Variants in ZNF469 observed in about 807,000 individuals in gnomAD.
ZNF469 encodes the protein zinc finger protein 469.
A neutral mutation model predicts 1.0 loss-of-function variants in ZNF469; 1 was observed. That is an observed-to-expected ratio of 1.00 (90% CI 0.35 to 4.73). The LOEUF (loss-of-function observed/expected upper bound fraction) is 4.73, where lower values mean the gene tolerates loss of function less well. Among genes scored for constraint, ZNF469 ranks in the 30% most tolerant of loss-of-function variants. The pLI is 0.16. For synonymous variants in ZNF469, 2,703 were observed against 2,363.4 expected (o/e 1.14, Z -4.17); for missense variants, 6,100 against 5,356.3 (o/e 1.14, Z -4.33).
the ZNF469 span, among the ~76,000 whole-genome samples, chr16:88,156,927 C>T: frequency 1.5e-4 from 23 of 152,114 alleles, no homozygotes; most frequent in African/African-American, 3.4e-4. Flanking sequence ...CAGAGATGGA[C>T]GATGATCTCA....
chr16:88,192,653 C>T, the ZNF469 span, among the ~76,000 whole-genome samples: 4 of 152,170 alleles, frequency 2.6e-5, no homozygotes, highest in South Asian at 2.1e-4. Context: ...ATGATGATGG[C>T]AGTGATGGTG....
At chr16:88,135,318 T>C in the ZNF469 span, among the ~76,000 whole-genome samples, 2 of 152,278 alleles carry the variant, frequency 1.3e-5, no homozygotes, top group African/African-American at 4.8e-5. Context: ...TTTGTTCTAC[T>C]GCTCAATGTT....
rs1906134276 is a variant in ZNF469 at position 88,430,996 on chromosome 16, C to G, written c.3526C>G (p.Arg1176Gly). 4 of 1,541,884 alleles carry G rather than the reference C, an allele frequency of 2.6e-6. No homozygotes were observed. Among genetic ancestry groups the G allele is most frequent in the South Asian group, 1.2e-5 (1 of 83,994 alleles). ...GRSPQARGPS[R>G]SLETGAAARE... ...GAGCCCTCAGGCCCGTGGCCCGTCT[C>G]GAAGCCTGGAGACGGGAGCGGCCGC... is the stretch of plus-strand genomic sequence containing the variant. Residue 1176 changes from arginine (R) to glycine (G), a missense_variant, in exon 3 of 3, where the codon CGA becomes GGA. By Grantham distance (125) the Arg-to-Gly change is moderately radical. Coordinates refer to ENST00000565624, the MANE Select transcript of ZNF469 (RefSeq NM_001367624.2).
intron 1 of ZNF469, among the ~76,000 whole-genome samples, chr16:88,387,091 C>T (rs1904350545): frequency 6.6e-6 from 1 of 151,992 alleles, no homozygotes; most frequent in Non-Finnish European, 1.5e-5. Flanking sequence ...TCCCCAACCT[C>T]CAAGACTGTG....
chr16:88,363,378 C>A, the ZNF469 span, among the ~76,000 whole-genome samples: 1 of 152,198 alleles, frequency 6.6e-6, no homozygotes, highest in African/African-American at 2.4e-5. Flanking sequence ...TGCCTCCAGA[C>A]AGCAAGCATT....
intron 1 of ZNF469, among the ~76,000 whole-genome samples, chr16:88,417,479 G>A (rs766400577): frequency 6.6e-6 from 1 of 152,168 alleles, no homozygotes; most frequent in African/African-American, 2.4e-5. Context: ...TGGGATACCC[G>A]CCTGGCTGTA....
the ZNF469 span, among the ~76,000 whole-genome samples, chr16:88,256,892 TTCC>T: frequency 0.021 from 955 of 46,572 alleles, 28 homozygotes; most frequent in African/African-American, 0.04. Flanking sequence ...TTTCTTTTCT[TTCC>T]TTCTTTCTTT....
At chr16:88,256,908 T>TCTCTCTCTCTCTCTCTCTC in the ZNF469 span, among the ~76,000 whole-genome samples, 8 of 25,724 alleles carry the variant, frequency 3.1e-4, no homozygotes, top group African/African-American at 1.3e-3. Context: ...CTTTCTTTCT[T>TCTCTCTCTCTCTCTCTCTC]TCTTTCTTTC....
chr16:88,306,874 T>G, the ZNF469 span, among the ~76,000 whole-genome samples: 1 of 152,238 alleles, frequency 6.6e-6, no homozygotes, highest in Admixed American at 6.5e-5. Flanking sequence ...ACCATAAAAG[T>G]CATTCTTTTA....
the ZNF469 span, among the ~76,000 whole-genome samples, chr16:88,233,343 C>T: frequency 2.1e-4 from 32 of 152,350 alleles, no homozygotes; most frequent in Admixed American, 1.6e-3. Context: ...CCACCATGGC[C>T]AGTGGTTTGT....
chr16:88,261,949 A>G, the ZNF469 span, among the ~76,000 whole-genome samples: 1 of 152,166 alleles, frequency 6.6e-6, no homozygotes, highest in Non-Finnish European at 1.5e-5. This position sits in a 1 kb window ranked among gnomAD's most constrained non-coding sequence, Gnocchi z 6.0. Flanking sequence ...ACCACAGAAC[A>G]GGGGCCATGG....
At chr16:88,215,382 A>C in the ZNF469 span, among the ~76,000 whole-genome samples, 1 of 23,280 alleles carries the variant, frequency 4.3e-5, no homozygotes, top group African/African-American at 1.1e-4. Flanking sequence ...CTTGCCTTTT[A>C]ATTTTTTTTT....
the ZNF469 span, among the ~76,000 whole-genome samples, chr16:88,258,579 C>T: frequency 1.3e-4 from 20 of 152,142 alleles, no homozygotes; most frequent in Admixed American, 4.6e-4. Flanking sequence ...GAACCTTCTT[C>T]GTGGTGACTC....
Position 88,432,025 on chromosome 16 carries a change from T to G in ZNF469, c.4555T>G (p.Ser1519Ala), listed in dbSNP as rs534912168. ...GCTGCCTAGCCATTTTCCTGATCTC[T>G]CGGGGGGAAAGGTGCTCAGTAAGAC... ...PMLPSHFPDL[S>A]GGKVLSKTCP... The change falls in exon 3 of 3, where the codon TCG (serine) becomes GCG (alanine). Residue 1519 changes from serine to alanine, a missense_variant. Ser to Ala is a moderately conservative substitution (Grantham distance 99, BLOSUM62 1). Coordinates refer to ENST00000565624, the MANE Select transcript of ZNF469 (RefSeq NM_001367624.2). 4.5e-6 allele frequency: 7 copies of G among 1,550,278 alleles called. No individual in the cohort carries two copies. Among genetic ancestry groups the G allele is most frequent in the Non-Finnish European group, 6.1e-6 (7 of 1,146,960 alleles).
chr16:88,196,390 G>A, the ZNF469 span, among the ~76,000 whole-genome samples: 8 of 152,234 alleles, frequency 5.3e-5, no homozygotes, highest in East Asian at 1.9e-4. Flanking sequence ...CAAAGCCATC[G>A]GGGGGAAATT....
At chr16:88,314,400 A>T in the ZNF469 span, among the ~76,000 whole-genome samples, 1 of 139,336 alleles carries the variant, frequency 7.2e-6, no homozygotes. Context: ...CTCTGTGATT[A>T]TGATGATGCT....
chr16:88,185,682 CACAG>C, the ZNF469 span, among the ~76,000 whole-genome samples: 2 of 151,218 alleles, frequency 1.3e-5, no homozygotes, highest in Admixed American at 6.6e-5. Context: ...TGCCCAGACC[CACAG>C]ACACATTCGC....
the ZNF469 span, among the ~76,000 whole-genome samples, chr16:88,297,306 T>C: frequency 3.9e-5 from 6 of 152,174 alleles, no homozygotes; most frequent in African/African-American, 1.4e-4. Context: ...GAGGTTCCGT[T>C]GCTCAGCAGG....
At chr16:88,215,388 T>C in the ZNF469 span, among the ~76,000 whole-genome samples, 7 of 128,932 alleles carry the variant, frequency 5.4e-5, no homozygotes, top group Admixed American at 1.6e-4. Context: ...TTTTAATTTT[T>C]TTTTTTTTTT....
Sources: gnomAD v4.1 joint callset for allele counts (sites outside exome capture counted in the v4.1 genomes callset) on GRCh38, gnomAD v4.1.1 for gene constraint, Gnocchi (gnomAD v3.1) non-coding constraint, MANE v1.5 for transcripts, NCBI Gene and HGNC (gene_info 2026-07-23, HGNC 2026-07-21) for gene names.